TRAPPC2: variants seen among roughly 807,000 people sequenced by gnomAD.
TRAPPC2 encodes trafficking protein particle complex subunit 2, also known as sedlin.
Under a neutral mutation model 10.0 loss-of-function variants are expected in TRAPPC2, and 4 were observed. That is an observed-to-expected ratio of 0.40 (90% confidence interval 0.20 to 0.92). The LOEUF (loss-of-function observed/expected upper bound fraction) is 0.92, where lower values mean the gene tolerates loss of function less well. TRAPPC2 is among the 40% of genes least tolerant of loss of function. The pLI is 0.35. For missense variants in TRAPPC2, 52 were observed against 108.7 expected, an observed-to-expected ratio of 0.48 and a Z score of 2.32; for synonymous variants, 36 against 37.3, an observed-to-expected ratio of 0.97 and a Z score of 0.12.
In TRAPPC2 at chrX:13,714,328, T is replaced by A; in HGVS notation, c.*79A>T. 1 of 605,562 alleles carries A rather than the reference T, an allele frequency of 1.7e-6. No homozygotes were observed. The highest frequency in any genetic ancestry group is 2.5e-6 in the Non-Finnish European group (1 of 405,200). The allele number at this position is 605,562 out of a possible 1,213,427, so 49.9% of individuals were successfully genotyped here. A position where few individuals can be genotyped will look rare whatever the true frequency, so the allele number is the denominator to read the frequency against. On this transcript the variant is annotated 3_prime_UTR_variant, in exon 6 of 6. Transcript: ENST00000380579. Reference sequence around the variant, plus strand: ...ATACACAAAAGTTTTCCAGGCTATTTAATCAAGTAACTTACAATGTACACA... The same window carrying A: ...ATACACAAAAGTTTTCCAGGCTATTAAATCAAGTAACTTACAATGTACACA...
At chrX:13,722,005 TA>T in intron 2 of TRAPPC2, 1 of 109,356 alleles carries the variant, frequency 9.1e-6, no homozygotes, top group East Asian at 2.8e-4. Flanking sequence ...AAAAAGTGGA[TA>T]ACAAAGACGA....
rs2046257162 is a variant in TRAPPC2 at position 13,714,356 on chromosome X, C to G, written c.*51G>C. 3 of 822,372 alleles carry G rather than the reference C, an allele frequency of 3.6e-6. No individual in the cohort carries two copies. Among genetic ancestry groups the G allele is most frequent in the South Asian group, 5.5e-5 (2 of 36,685 alleles). The allele number at this position is 822,372 out of a possible 1,213,427, so 67.8% of individuals were successfully genotyped here. The stretch of plus-strand genomic sequence containing the variant: ...TCAAGTAACTTACAATGTACACATT[C>G]CTGAGTATACACCATTGTGGTGACA... On this transcript the variant is annotated 3_prime_UTR_variant, in exon 6 of 6. Coordinates refer to ENST00000380579, the MANE Select transcript of TRAPPC2 (RefSeq NM_001011658.4).
chrX:13,717,996 G>C (rs1602713518), intron 3 of TRAPPC2, among the ~76,000 whole-genome samples: 2 of 112,074 alleles, frequency 1.8e-5, no homozygotes, highest in East Asian at 5.6e-4. Flanking sequence ...ATGAAGACTG[G>C]AGTTATGCTG....
Position 13,714,332 on chromosome X carries a change from C to A in TRAPPC2, c.*75G>T. The A allele has an allele frequency of 1.6e-6, 1 of 628,879 alleles. No individual in the cohort carries two copies. Among genetic ancestry groups the A allele is most frequent in the Non-Finnish European group, 2.4e-6 (1 of 425,223 alleles). The allele number at this position is 628,879 out of a possible 1,213,427, so 51.8% of individuals were successfully genotyped here. ...ACAAAAGTTTTCCAGGCTATTTAAT[C>A]AAGTAACTTACAATGTACACATTCC... On this transcript the variant is annotated 3_prime_UTR_variant, in exon 6 of 6. Transcript: ENST00000380579.
intron 2 of TRAPPC2, among the ~76,000 whole-genome samples, chrX:13,730,335 A>G (rs1035819631): frequency 1.8e-5 from 2 of 112,386 alleles, no homozygotes; most frequent in African/African-American, 6.5e-5. Context: ...ATCACTGGTC[A>G]TTAGAGAAAT....
intron 3 of TRAPPC2, 92 bp from the exon 4 acceptor site, chrX:13,716,770 C>A: frequency 2.0e-6 from 2 of 999,345 alleles, no homozygotes; most frequent in Non-Finnish European, 2.8e-6. Flanking sequence ...AGATGGTTTT[C>A]TTGTGGGGAA....
intron 2 of TRAPPC2, among the ~76,000 whole-genome samples, chrX:13,731,477 G>C (rs757288029): frequency 2.3e-4 from 26 of 112,430 alleles, no homozygotes; most frequent in Non-Finnish European, 4.5e-4. Context: ...TCTGAAGGGA[G>C]ATACGGTAGG....
chrX:13,733,164 G>C (rs754295498), intron 2 of TRAPPC2, among the ~76,000 whole-genome samples: 1 of 110,740 alleles, frequency 9.0e-6, no homozygotes, highest in East Asian at 2.8e-4. Context: ...TTAAACAGTG[G>C]ACAAGTGATT....
intron 2 of TRAPPC2, among the ~76,000 whole-genome samples, chrX:13,724,448 A>C (rs1174608048): frequency 9.1e-6 from 1 of 110,094 alleles, no homozygotes; most frequent in Non-Finnish European, 1.9e-5. Flanking sequence ...ATCAGGAAAA[A>C]GCAAGGGAGA....
At chrX:13,723,955 G>C (rs1209102804) in intron 2 of TRAPPC2, among the ~76,000 whole-genome samples, 1 of 111,772 alleles carries the variant, frequency 8.9e-6, no homozygotes, top group Non-Finnish European at 1.9e-5. Flanking sequence ...CATGACAAGG[G>C]CCTTAAAAGT....
chrX:13,723,392 T>TCCTGG (rs2146827128), intron 2 of TRAPPC2, among the ~76,000 whole-genome samples: 1 of 110,707 alleles, frequency 9.0e-6, no homozygotes, highest in Admixed American at 9.6e-5. Context: ...GGTCTCACAC[T>TCCTGG]CCTGGCCTCA....
chrX:13,723,511 T>C (rs183241535), intron 2 of TRAPPC2, among the ~76,000 whole-genome samples: 42 of 111,557 alleles, frequency 3.8e-4, no homozygotes, highest in African/African-American at 1.4e-3. Context: ...TCCTCCACCT[T>C]CCCTTCACCA....
chrX:13,734,217 A>G (rs1281847504), intron 1 of TRAPPC2, 32 bp from the exon 2 acceptor site: 3 of 454,524 alleles, frequency 6.6e-6, no homozygotes, highest in Non-Finnish European at 1.2e-5. Context: ...ATACAGCTAA[A>G]CCTACAATGC....
intron 2 of TRAPPC2, among the ~76,000 whole-genome samples, chrX:13,725,834 C>T (rs1313822709): frequency 1.8e-5 from 2 of 111,625 alleles, no homozygotes; most frequent in Non-Finnish European, 3.8e-5. Flanking sequence ...ATGTTTGAAC[C>T]CATCTCAAGG....
intron 2 of TRAPPC2, among the ~76,000 whole-genome samples, chrX:13,732,088 T>C (rs1475022143): frequency 3.6e-5 from 4 of 112,008 alleles, no homozygotes; most frequent in Non-Finnish European, 5.6e-5. Flanking sequence ...AAAAGTCTGA[T>C]AGGTTTGTCA....
At chrX:13,721,931 C>T (rs1431244664) in intron 2 of TRAPPC2, 1 of 110,441 alleles carries the variant, frequency 9.1e-6, no homozygotes, top group Non-Finnish European at 1.9e-5. Flanking sequence ...TATTTACTAT[C>T]TGGCCCTTTA....
At chrX:13,723,992 CA>C (rs2046484877) in intron 2 of TRAPPC2, among the ~76,000 whole-genome samples, 1 of 111,830 alleles carries the variant, frequency 8.9e-6, no homozygotes, top group African/African-American at 3.3e-5. Context: ...AGAGGAAAGT[CA>C]GGGGGAAGTG....
chrX:13,729,085 G>A (rs2046616778), intron 2 of TRAPPC2, among the ~76,000 whole-genome samples: 1 of 111,082 alleles, frequency 9.0e-6, no homozygotes, highest in Non-Finnish European at 1.9e-5. Context: ...CCACTGCTCA[G>A]TGAAATAAAA....
At chrX:13,723,679 G>A (rs1427918147) in intron 2 of TRAPPC2, among the ~76,000 whole-genome samples, 1 of 111,292 alleles carries the variant, frequency 9.0e-6, no homozygotes, top group Non-Finnish European at 1.9e-5. Flanking sequence ...GAGAGGCTTG[G>A]CCCAGAGGTG....
Sources: gnomAD v4.1 joint callset for allele counts (sites outside exome capture counted in the v4.1 genomes callset) on GRCh38, gnomAD v4.1.1 for gene constraint, MANE v1.5 for transcripts, NCBI Gene and HGNC (gene_info 2026-07-23, HGNC 2026-07-21) for gene names.